The following PTPN3 variants were observed in gnomAD, a reference collection of about 807,000 sequenced individuals.
PTPN3 encodes the protein tyrosine-protein phosphatase non-receptor type 3.
Under a neutral mutation model 132.7 loss-of-function variants are expected in PTPN3, and 96 were observed. The observed-to-expected ratio is 0.72, with a 90% CI of 0.61 to 0.86. The LOEUF (loss-of-function observed/expected upper bound fraction) is 0.86. Among genes scored for constraint, PTPN3 ranks in the 40% least tolerant of loss-of-function variants. The pLI is 0.00. For synonymous variants in PTPN3, 398 were observed against 429.0 expected, an observed-to-expected ratio of 0.93 and a Z score of 0.89; for missense variants, 1,125 against 1,159.6, an observed-to-expected ratio of 0.97 and a Z score of 0.43.
chr9:109,497,467 G>A (rs1388587728), intron 1 of PTPN3, among the ~76,000 whole-genome samples: 14 of 152,152 alleles, frequency 9.2e-5, no homozygotes, highest in Admixed American at 9.2e-4. Context: ...AACTTGAACG[G>A]AGGTCTCCAG....
intron 9 of PTPN3, 29 bp from the exon 10 acceptor site, chr9:109,433,190 G>C: frequency 6.2e-7 from 1 of 1,612,822 alleles, no homozygotes; most frequent in East Asian, 2.2e-5. Context: ...CAGATCCACA[G>C]CATGTTACAG....
At chr9:109,406,178 C>G (rs1841547365) in intron 18 of PTPN3, among the ~76,000 whole-genome samples, 1 of 152,182 alleles carries the variant, frequency 6.6e-6, no homozygotes, top group African/African-American at 2.4e-5. Context: ...GTGGGCTGCG[C>G]TGGGCCTGGG....
intron 1 of PTPN3, among the ~76,000 whole-genome samples, chr9:109,476,634 A>G (rs139065910): frequency 0.012 from 1,842 of 152,282 alleles, 39 homozygotes; most frequent in African/African-American, 0.043. Flanking sequence ...GCCAGAGTCC[A>G]CTGGAGGTTT....
At chr9:109,452,145 G>A (rs1845292120) in intron 5 of PTPN3, among the ~76,000 whole-genome samples, 2 of 151,880 alleles carry the variant, frequency 1.3e-5, no homozygotes, top group Non-Finnish European at 2.9e-5. Context: ...GCACACGCCT[G>A]TAGTCCTAGC....
chr9:109,418,757 T>C (rs1192051050), intron 14 of PTPN3, among the ~76,000 whole-genome samples: 1 of 152,212 alleles, frequency 6.6e-6, no homozygotes, highest in Non-Finnish European at 1.5e-5. Context: ...ATTTTTATTA[T>C]TTTAATTAAT....
intron 25 of PTPN3, among the ~76,000 whole-genome samples, chr9:109,381,148 G>A (rs1043181604): frequency 3.3e-5 from 5 of 152,158 alleles, no homozygotes; most frequent in Admixed American, 1.3e-4. Flanking sequence ...TTTCCACACC[G>A]CTTCACTGCC....
intron 14 of PTPN3, among the ~76,000 whole-genome samples, chr9:109,419,081 C>T (rs1010539494): frequency 5.9e-5 from 9 of 152,228 alleles, no homozygotes; most frequent in Admixed American, 5.2e-4. Context: ...TCCACTGTAG[C>T]CCTGACAAAG....
intron 19 of PTPN3, among the ~76,000 whole-genome samples, chr9:109,396,206 T>TG (rs1840590430): frequency 6.6e-6 from 1 of 152,168 alleles, no homozygotes; most frequent in Non-Finnish European, 1.5e-5. Flanking sequence ...CCCTGTGGGC[T>TG]GCTTGGCAGT....
chr9:109,409,134 C>T (rs923741087), intron 16 of PTPN3, among the ~76,000 whole-genome samples: 1 of 152,056 alleles, frequency 6.6e-6, no homozygotes, highest in African/African-American at 2.4e-5. Context: ...CAGTCATTAA[C>T]CCACCAGTAA....
chr9:109,486,818 T>A (rs1847235591), intron 1 of PTPN3, among the ~76,000 whole-genome samples: 1 of 152,122 alleles, frequency 6.6e-6, no homozygotes, highest in Non-Finnish European at 1.5e-5. Flanking sequence ...ACCCCCATGC[T>A]GCTGTTCTTG....
rs572175105 is a variant in PTPN3, at chr9:109,389,981, C to T, written c.2107-602G>A. 2.4e-4 allele frequency among the ~76,000 whole-genome samples: 37 copies of T among 152,318 alleles called. No individual in the cohort carries two copies. The South Asian group carries it at 7.2e-3, about 30-fold the overall frequency. ...ACTGAGTCCTTTTGACGAAAGAACA[C>T]TCAGAACCTGCTGAGCTTTGGGCTG... On this transcript the variant is annotated intron_variant, in intron 21 of 25. Coordinates refer to ENST00000374541, the MANE Select transcript of PTPN3 (RefSeq NM_002829.4).
chr9:109,517,188 A>G, the PTPN3 span, among the ~76,000 whole-genome samples: 1 of 152,106 alleles, frequency 6.6e-6, no homozygotes, highest in South Asian at 2.1e-4. Flanking sequence ...GAATCCCTAG[A>G]TGGACCTAAG....
chr9:109,450,295 C>G (rs1310398151), intron 5 of PTPN3: 8 of 985,378 alleles, frequency 8.1e-6, no homozygotes, highest in Non-Finnish European at 9.6e-6. Context: ...ATCATCAGTT[C>G]TTTCTAGTTT....
chr9:109,491,747 G>A (rs1847471186), intron 1 of PTPN3, among the ~76,000 whole-genome samples: 1 of 152,228 alleles, frequency 6.6e-6, no homozygotes, highest in Non-Finnish European at 1.5e-5. Context: ...TCATGGAGCT[G>A]AGACCCACAG....
rs1838720998 is a variant in PTPN3, at chr9:109,378,067, C to A, written c.*1489G>T. The A allele has an allele frequency of 6.6e-6, 1 of 152,204 alleles. No homozygotes were observed. The highest frequency in any genetic ancestry group is 1.5e-5 in the Non-Finnish European group (1 of 68,038). The allele number at this position is 152,204 out of a possible 1,614,324, so 9.4% of individuals were successfully genotyped here. A position where few individuals can be genotyped will look rare whatever the true frequency, so the allele number is the denominator to read the frequency against. On this transcript the variant is annotated 3_prime_UTR_variant, in exon 26 of 26. Coordinates refer to ENST00000374541, the MANE Select transcript of PTPN3 (RefSeq NM_002829.4). The stretch of plus-strand genomic sequence containing the variant: ...AAGAATCTCCCATATAGGTCTTCAT[C>A]CGTCTTGCTACCAGCAAACTATTCA...
In PTPN3 at chr9:109,427,132, A is replaced by C; in HGVS notation, c.829-10T>G. 6.2e-7 allele frequency: 1 copy of C among 1,613,462 alleles called. No individual in the cohort carries two copies. The highest frequency in any genetic ancestry group is 8.5e-7 in the Non-Finnish European group (1 of 1,179,640). On this transcript the variant is annotated splice_polypyrimidine_tract_variant and intron_variant, in intron 11 of 25. Coordinates refer to ENST00000374541, the MANE Select transcript of PTPN3 (RefSeq NM_002829.4). ...GTTCCCTGGATTCAGCCTGGGAGGA[A>C]AAACAGTCAAGATTTCACCCACACA...
chr9:109,377,233 C>T lies in PTPN3; in HGVS notation c.*2323G>A, dbSNP rs959583043. On this transcript the variant is annotated 3_prime_UTR_variant, in exon 26 of 26. Coordinates refer to ENST00000374541, the MANE Select transcript of PTPN3 (RefSeq NM_002829.4). ...ATTATTTTGTGCTCTTGTTCTCTCTCTTCTAGAAGAGCATTTTCTATTTTC... is the reference window on the plus strand; with the variant it reads ...ATTATTTTGTGCTCTTGTTCTCTCTTTTCTAGAAGAGCATTTTCTATTTTC... 2 of 152,148 alleles carry T rather than the reference C, an allele frequency of 1.3e-5. No homozygotes were observed. The highest frequency in any genetic ancestry group is 2.9e-5 in the Non-Finnish European group (2 of 68,046). The allele number at this position is 152,148 out of a possible 1,614,324, so 9.4% of individuals were successfully genotyped here. A position where few individuals can be genotyped will look rare whatever the true frequency, so the allele number is the denominator to read the frequency against.
At chr9:109,389,460 G>T in intron 21 of PTPN3, 81 bp from the exon 22 acceptor site, 2 of 1,386,276 alleles carry the variant, frequency 1.4e-6, no homozygotes, top group Non-Finnish European at 1.9e-6. Flanking sequence ...TATTCTACTT[G>T]CTAATTGATA....
chr9:109,523,120 T>C, the PTPN3 span, among the ~76,000 whole-genome samples: 1 of 151,894 alleles, frequency 6.6e-6, no homozygotes, highest in Admixed American at 6.6e-5. Context: ...TTATATCTTT[T>C]TTTTTTTTTT....
Sources: gnomAD v4.1 joint callset for allele counts (sites outside exome capture counted in the v4.1 genomes callset) on GRCh38, gnomAD v4.1.1 for gene constraint, MANE v1.5 for transcripts, NCBI Gene and HGNC (gene_info 2026-07-23, HGNC 2026-07-21) for gene names.